FAM25G: variants seen among roughly 807,000 people sequenced by gnomAD.
FAM25G encodes family with sequence similarity 25 member G.
FAM25G carries 3 observed loss-of-function variants against 6.4 expected under a neutral mutation model. The ratio of observed to expected loss-of-function variants is 0.47; its 90% CI spans 0.21 to 1.21. FAM25G has a LOEUF of 1.21. Ranked by LOEUF, FAM25G falls within the 50% of genes most tolerant of loss-of-function variation. FAM25G has a pLI of 0.22. For synonymous variants in FAM25G, 15 were observed against 31.3 expected, an observed-to-expected ratio of 0.48 and a Z score of 1.74; for missense variants, 34 against 76.0, an observed-to-expected ratio of 0.45 and a Z score of 2.06.
At chr10:47,489,041 C>T (rs1215772397) in intron 2 of FAM25G, among the ~76,000 whole-genome samples, 5 of 132,560 alleles carry the variant, frequency 3.8e-5, no homozygotes, top group African/African-American at 5.8e-5. Flanking sequence ...TTTTTGAGAC[C>T]GAGTCTTGCT....
chr10:47,488,614 T>G (rs1485322492), intron 2 of FAM25G, among the ~76,000 whole-genome samples: 1 of 150,304 alleles, frequency 6.7e-6, no homozygotes, highest in Non-Finnish European at 1.5e-5. Flanking sequence ...GGAATCTATT[T>G]TGTTGAAAAG....
chr10:47,488,984 G>T (rs1840097753), intron 2 of FAM25G, among the ~76,000 whole-genome samples: 1 of 147,456 alleles, frequency 6.8e-6, no homozygotes, highest in Non-Finnish European at 1.5e-5. Context: ...CAAAGTGCTG[G>T]GATTACAGGC....
intron 2 of FAM25G, 34 bp downstream of exon 2, chr10:47,489,531 ACCTAGCTTCCCTTCCTCCCTC>A (rs1840109819): frequency 5.0e-6 from 3 of 595,368 alleles, no homozygotes; most frequent in Non-Finnish European, 8.9e-6. Context: ...TTGGCCCAGC[ACCTAGCTTCCCTTCCTCCCTC>A]CCTCCTTCCC....
chr10:47,487,938 T>C (rs1840075774), intron 2 of FAM25G, among the ~76,000 whole-genome samples: 1 of 151,280 alleles, frequency 6.6e-6, no homozygotes, highest in Non-Finnish European at 1.5e-5. Context: ...TTACGATGTC[T>C]TCCCCCTCAA....
chr10:47,490,635 T>C (rs1206999563), intron 1 of FAM25G, among the ~76,000 whole-genome samples: 1 of 142,636 alleles, frequency 7.0e-6, no homozygotes, highest in Non-Finnish European at 1.6e-5. Context: ...CCTCAGCTTT[T>C]CTCCCAACGC....
intron 2 of FAM25G, 119 bp from the exon 3 acceptor site, chr10:47,487,527 A>G: frequency 4.1e-6 from 2 of 482,838 alleles, no homozygotes; most frequent in Non-Finnish European, 7.1e-6. Context: ...GATGGGACCA[A>G]GGGCAGCAGG....
chr10:47,488,878 C>T (rs1317486923), intron 2 of FAM25G, among the ~76,000 whole-genome samples: 1 of 146,434 alleles, frequency 6.8e-6, no homozygotes, highest in Admixed American at 6.9e-5. Context: ...CAGGTGCCCG[C>T]CACCGTGCCC....
At chr10:47,488,931 G>T (rs1274037170) in intron 2 of FAM25G, among the ~76,000 whole-genome samples, 30 of 146,898 alleles carry the variant, frequency 2.0e-4, no homozygotes, top group Non-Finnish European at 4.0e-4. Flanking sequence ...GTTTCACCGT[G>T]GTCTGGATCT....
chr10:47,487,978 T>A (rs1840076903), intron 2 of FAM25G, among the ~76,000 whole-genome samples: 1 of 149,900 alleles, frequency 6.7e-6, no homozygotes, highest in Non-Finnish European at 1.5e-5. Flanking sequence ...TCAGTCTTAA[T>A]GTAATGATAT....
chr10:47,488,710 TA>T (rs1213880651), intron 2 of FAM25G, among the ~76,000 whole-genome samples: 1,683 of 117,870 alleles, frequency 0.014, 85 homozygotes, highest in Non-Finnish European at 0.022. Flanking sequence ...TTTTACATGT[TA>T]AATTTTTTTT....
intron 2 of FAM25G, among the ~76,000 whole-genome samples, chr10:47,487,787 G>A (rs1169865584): frequency 1.4e-5 from 2 of 141,894 alleles, no homozygotes; most frequent in Non-Finnish European, 3.0e-5. Context: ...TTTTTTTTTG[G>A]CTATAGAAAA....
intron 2 of FAM25G, among the ~76,000 whole-genome samples, chr10:47,488,964 C>G (rs1401674924): frequency 6.7e-6 from 1 of 148,702 alleles, no homozygotes; most frequent in Non-Finnish European, 1.5e-5. Context: ...ATCCGCCCAC[C>G]TCAGCCTCCC....
chr10:47,488,713 A>ATTTTT lies in FAM25G; in HGVS notation c.136+868_136+872dup, dbSNP rs1160121365. On this transcript the variant is annotated intron_variant, in intron 2 of 2. Coordinates refer to ENST00000452267, the MANE Select transcript of FAM25G (RefSeq NM_001137549.2). ...TTTAACATAGAATTTTACATGTTAAATTTTTTTTTTTTTTTTTTTTTTTTT... is the reference window on the plus strand; with the variant it reads ...TTTAACATAGAATTTTACATGTTAAATTTTTTTTTTTTTTTTTTTTTTTTTTTTTT... 9.7e-3 allele frequency among the ~76,000 whole-genome samples: 600 copies of ATTTTT among 62,126 alleles called. 30 individuals carry two copies. The highest frequency in any genetic ancestry group is 0.021 in the African/African-American group (297 of 14,134). 40.8% of individuals were successfully genotyped at this position (62,126 alleles called of 152,430 possible).
chr10:47,489,007 C>A (rs1305047660), intron 2 of FAM25G, among the ~76,000 whole-genome samples: 30,588 of 132,752 alleles, frequency 0.23, 3,384 homozygotes, highest in East Asian at 0.54. Context: ...GAGCCACCGC[C>A]CCCAGCAATT....
At chr10:47,488,791 G>A (rs1172439990) in intron 2 of FAM25G, among the ~76,000 whole-genome samples, 2 of 127,452 alleles carry the variant, frequency 1.6e-5, no homozygotes, top group African/African-American at 3.1e-5. Flanking sequence ...GCAGTGTCGC[G>A]ATCTCGGCTC....
At chr10:47,488,870 G>T in intron 2 of FAM25G, among the ~76,000 whole-genome samples, 1 of 146,688 alleles carries the variant, frequency 6.8e-6, no homozygotes, top group East Asian at 2.2e-4. Context: ...TAGGACTACA[G>T]GTGCCCGCCA....
At chr10:47,488,001 C>T (rs3006288) in intron 2 of FAM25G, among the ~76,000 whole-genome samples, 4 of 147,278 alleles carry the variant, frequency 2.7e-5, no homozygotes, top group Non-Finnish European at 6.0e-5. Flanking sequence ...AGGGGTGGGG[C>T]CTTTGGGAGG....
chr10:47,490,185 G>A (rs1246347768), intron 1 of FAM25G: 22 of 180,394 alleles, frequency 1.2e-4, no homozygotes, highest in African/African-American at 2.9e-4. Flanking sequence ...CCAACAAAAC[G>A]GAATTCTCTG....
At chr10:47,488,252 C>A in intron 2 of FAM25G, among the ~76,000 whole-genome samples, 1 of 140,690 alleles carries the variant, frequency 7.1e-6, no homozygotes, top group South Asian at 2.4e-4. Flanking sequence ...GCTCTGTCAC[C>A]CAGGCTGGAG....
Sources: allele counts gnomAD v4.1 joint callset (sites outside exome capture counted in the v4.1 genomes callset), GRCh38; gene constraint gnomAD v4.1.1; transcripts MANE v1.5; gene names NCBI Gene and HGNC (gene_info 2026-07-23, HGNC 2026-07-21).